Variants in FAF1 observed in about 807,000 individuals in gnomAD.
The protein encoded by FAF1 is FAS-associated factor 1.
FAF1 carries 25 observed loss-of-function variants against 92.5 expected under a neutral mutation model. The ratio of observed to expected loss-of-function variants is 0.27; its 90% CI spans 0.20 to 0.38. The LOEUF (loss-of-function observed/expected upper bound fraction) is 0.38. FAF1 is among the 10% of genes least tolerant of loss of function. The probability of loss-of-function intolerance (pLI) is 1.00; values close to 1 mark genes in which losing one functional copy is unlikely to be tolerated. For missense variants in FAF1, 636 were observed against 793.3 expected (o/e 0.80, Z 2.38); for synonymous variants, 234 against 273.2 (o/e 0.86, Z 1.42).
intron 1 of FAF1, among the ~76,000 whole-genome samples, chr1:50,871,202 C>T (rs1644525258): frequency 6.6e-6 from 1 of 152,194 alleles, no homozygotes; most frequent in Non-Finnish European, 1.5e-5. Flanking sequence ...CAGAGGTTGG[C>T]TCAAGAAGTT....
chr1:50,731,309 G>GTTTTT (rs954277544), intron 6 of FAF1, among the ~76,000 whole-genome samples: 9 of 151,812 alleles, frequency 5.9e-5, no homozygotes, highest in Non-Finnish European at 1.0e-4. Context: ...AACTGCTGAG[G>GTTTTT]TACTAGAAGT....
chr1:50,463,328 C>T (rs1646456112), intron 18 of FAF1, among the ~76,000 whole-genome samples: 1 of 152,100 alleles, frequency 6.6e-6, no homozygotes, highest in African/African-American at 2.4e-5. Flanking sequence ...TGCCCATGTA[C>T]CTTTTTTCTT....
At chr1:50,628,673 A>ACC (rs1304668293) in intron 8 of FAF1, among the ~76,000 whole-genome samples, 1 of 152,234 alleles carries the variant, frequency 6.6e-6, no homozygotes, top group East Asian at 1.9e-4. Context: ...GAATTGTCAA[A>ACC]CAGGTGCACA....
At chr1:50,677,007 A>C (rs985258869) in intron 7 of FAF1, among the ~76,000 whole-genome samples, 1 of 152,202 alleles carries the variant, frequency 6.6e-6, no homozygotes, top group Non-Finnish European at 1.5e-5. Context: ...AAAATTAACA[A>C]TGTGAATTGG....
intron 15 of FAF1, among the ~76,000 whole-genome samples, chr1:50,517,551 T>G (rs1380808788): frequency 6.6e-6 from 1 of 152,132 alleles, no homozygotes; most frequent in Non-Finnish European, 1.5e-5. Flanking sequence ...TAAGAGGAAA[T>G]TGGAAACTGG....
intron 7 of FAF1, among the ~76,000 whole-genome samples, chr1:50,704,146 T>C (rs760643082): frequency 6.6e-6 from 1 of 152,222 alleles, no homozygotes; most frequent in Non-Finnish European, 1.5e-5. Flanking sequence ...TTGGCCATTA[T>C]GCTCCTTTTT....
chr1:50,957,383 G>A (rs1305795305), intron 1 of FAF1, among the ~76,000 whole-genome samples: 6 of 118,118 alleles, frequency 5.1e-5, no homozygotes, highest in Admixed American at 1.2e-4. Flanking sequence ...ACAGAGTCTC[G>A]CTCTGTCGCC....
At chr1:50,920,884 C>T (rs1644957027) in intron 1 of FAF1, among the ~76,000 whole-genome samples, 1 of 152,092 alleles carries the variant, frequency 6.6e-6, no homozygotes, top group African/African-American at 2.4e-5. Context: ...TTGCTGTCAC[C>T]ACTTCTATTC....
intron 1 of FAF1, among the ~76,000 whole-genome samples, chr1:50,939,116 T>C (rs1429793051): frequency 1.3e-5 from 2 of 152,242 alleles, no homozygotes; most frequent in African/African-American, 2.4e-5. Context: ...ATCTTGGTAG[T>C]TTGATAGGAA....
chr1:50,896,961 C>CA (rs937346978), intron 1 of FAF1, among the ~76,000 whole-genome samples: 264 of 146,704 alleles, frequency 1.8e-3, no homozygotes, highest in Admixed American at 3.6e-3. Context: ...TGTATTTAAC[C>CA]AAAAAAAAAC....
At chr1:50,898,357 C>T (rs1178664961) in intron 1 of FAF1, among the ~76,000 whole-genome samples, 1 of 152,140 alleles carries the variant, frequency 6.6e-6, no homozygotes, top group African/African-American at 2.4e-5. Flanking sequence ...TCTAGGAGTA[C>T]TATGCAGCTA....
intron 2 of FAF1, among the ~76,000 whole-genome samples, chr1:50,822,766 C>G (rs1433621348): frequency 7.0e-6 from 1 of 142,192 alleles, no homozygotes; most frequent in East Asian, 2.0e-4. Flanking sequence ...TTCTTTCTTT[C>G]TTTCTTTCTT....
chr1:50,931,205 G>A (rs1645044567), intron 1 of FAF1, among the ~76,000 whole-genome samples: 1 of 152,010 alleles, frequency 6.6e-6, no homozygotes, highest in African/African-American at 2.4e-5. Context: ...TTACTATCTT[G>A]GTTCTCAGTT....
At chr1:50,927,110 T>A (rs1344235439) in intron 1 of FAF1, among the ~76,000 whole-genome samples, 1 of 152,016 alleles carries the variant, frequency 6.6e-6, no homozygotes, top group African/African-American at 2.4e-5. Flanking sequence ...GAAAGGGGAA[T>A]AGGGAGTTAA....
intron 15 of FAF1, among the ~76,000 whole-genome samples, chr1:50,530,742 T>C (rs1299018348): frequency 6.6e-6 from 1 of 152,156 alleles, no homozygotes; most frequent in Admixed American, 6.6e-5. Context: ...AAACATTTCA[T>C]GTACTCCATA....
chr1:50,627,906 G>A (rs1028590966), intron 8 of FAF1, among the ~76,000 whole-genome samples: 1 of 152,186 alleles, frequency 6.6e-6, no homozygotes, highest in Admixed American at 6.5e-5. Flanking sequence ...TAGCAACATG[G>A]CAGTCATTCG....
chr1:50,939,826 T>C lies in FAF1; in HGVS notation c.45+19941A>G, dbSNP rs1333035441. The stretch of plus-strand genomic sequence containing the variant: ...ATTCTGTTTATGTGGTGAATCACAT[T>C]TATTGAAGGTCATTTTGAAGTAAAT... On this transcript the variant is annotated intron_variant, in intron 1 of 18. Transcript: ENST00000396153. 2.6e-5 allele frequency among the ~76,000 whole-genome samples: 4 copies of C among 152,364 alleles called. No individual in the cohort carries two copies. In the East Asian group the frequency reaches 7.7e-4, roughly 29 times the overall value.
intron 15 of FAF1, among the ~76,000 whole-genome samples, chr1:50,518,920 A>C (rs1647342070): frequency 6.6e-6 from 1 of 152,228 alleles, no homozygotes; most frequent in African/African-American, 2.4e-5. Context: ...GTTGTTCTCC[A>C]TCCATTGAAA....
At chr1:50,625,390 T>A (rs1295790168) in intron 8 of FAF1, among the ~76,000 whole-genome samples, 1 of 152,254 alleles carries the variant, frequency 6.6e-6, no homozygotes. Context: ...AAGAATGGTA[T>A]TCTTGCTTTT....
Sources: allele counts gnomAD v4.1 joint callset (sites outside exome capture counted in the v4.1 genomes callset), GRCh38; gene constraint gnomAD v4.1.1; transcripts MANE v1.5; gene names NCBI Gene and HGNC (gene_info 2026-07-23, HGNC 2026-07-21).